FBXO34: variants seen among roughly 807,000 people sequenced by gnomAD.
FBXO34 encodes F-box protein 34, also known as F-box only protein 34.
In FBXO34, 12 loss-of-function variants were observed where a neutral mutation model predicts 24.5. The ratio of observed to expected loss-of-function variants is 0.49; its 90% CI spans 0.31 to 0.79. The LOEUF is 0.79. Among genes scored for constraint, FBXO34 ranks in the 30% least tolerant of loss-of-function variants. The pLI is 0.04. For missense variants in FBXO34, 823 were observed against 857.7 expected (o/e 0.96, Z 0.51); for synonymous variants, 320 against 311.9 (o/e 1.03, Z -0.27).
chr14:55,279,318 G>A (rs1428138363), intron 1 of FBXO34, among the ~76,000 whole-genome samples: 6 of 151,702 alleles, frequency 4.0e-5, no homozygotes, highest in African/African-American at 7.3e-5. Context: ...TATATTTAGT[G>A]GGGTCTAATA....
chr14:55,358,071 T>C (rs1460105501), downstream of FBXO34, among the ~76,000 whole-genome samples: 1 of 151,620 alleles, frequency 6.6e-6, no homozygotes, highest in Non-Finnish European at 1.5e-5. Context: ...ACTCTGCCCT[T>C]CCTCACCAAT....
chr14:55,431,103 G>A, the FBXO34 span, among the ~76,000 whole-genome samples: 8 of 152,130 alleles, frequency 5.3e-5, no homozygotes, highest in Non-Finnish European at 7.4e-5. Flanking sequence ...CTTTTCCTAC[G>A]CAAACACAGG....
intron 1 of FBXO34, chr14:55,282,411 C>T (rs760260098): frequency 4.1e-5 from 13 of 319,674 alleles, no homozygotes; most frequent in Non-Finnish European, 6.4e-5. Context: ...CATTGGACCA[C>T]GATAGGCCCT....
At chr14:55,370,077 A>ATGAT (rs1555341206), downstream of FBXO34, 1 of 621,014 alleles carries the variant, frequency 1.6e-6, no homozygotes, top group African/African-American at 1.8e-5. Context: ...GTGTTGACAT[A>ATGAT]TGATTGCGTT....
At chr14:55,409,129 T>G in the FBXO34 span, among the ~76,000 whole-genome samples, 1 of 152,212 alleles carries the variant, frequency 6.6e-6, no homozygotes, top group African/African-American at 2.4e-5. Context: ...AAAACTCGGA[T>G]AGATTCAAGA....
downstream of FBXO34, chr14:55,355,057 C>T (rs1450143128): frequency 6.6e-6 from 1 of 152,170 alleles, no homozygotes; most frequent in Non-Finnish European, 1.5e-5. Context: ...CTACCTCCTA[C>T]TTCAAGCCCT....
the FBXO34 span, among the ~76,000 whole-genome samples, chr14:55,376,821 C>A: frequency 1.3e-5 from 2 of 152,192 alleles, no homozygotes; most frequent in Non-Finnish European, 2.9e-5. Flanking sequence ...CTGCTAAGAG[C>A]AAGGAAAAAA....
At chr14:55,336,893 C>CAT (rs1555338884) in intron 1 of FBXO34, among the ~76,000 whole-genome samples, 7 of 150,046 alleles carry the variant, frequency 4.7e-5, no homozygotes, top group Non-Finnish European at 5.9e-5. Context: ...CACACACACA[C>CAT]ATATATACTA....
the FBXO34 span, chr14:55,437,125 G>T: frequency 1.0e-6 from 1 of 987,170 alleles, no homozygotes. Flanking sequence ...TTCAGTGTAA[G>T]AGGCAGTTCA....
the FBXO34 span, among the ~76,000 whole-genome samples, chr14:55,428,282 G>A: frequency 6.6e-6 from 1 of 151,580 alleles, no homozygotes; most frequent in African/African-American, 2.4e-5. Context: ...GGCGCCCGCT[G>A]CCACGCCCGG....
the FBXO34 span, among the ~76,000 whole-genome samples, chr14:55,431,261 A>G: frequency 6.6e-6 from 1 of 152,270 alleles, no homozygotes; most frequent in South Asian, 2.1e-4. Flanking sequence ...AGTATCTCTT[A>G]TTATCTGAAC....
rs1362879169 is a variant in FBXO34, at chr14:55,352,716, T to C, written c.*190T>C. 1.1e-5 allele frequency: 6 copies of C among 561,608 alleles called. No individual in the cohort carries two copies. The highest frequency in any genetic ancestry group is 1.9e-5 in the Non-Finnish European group (6 of 321,586). The allele number at this position is 561,608 out of a possible 1,614,324, so 34.8% of individuals were successfully genotyped here. On this transcript the variant is annotated 3_prime_UTR_variant, in exon 2 of 2. Transcript: ENST00000313833. Reference sequence around the variant, plus strand: ...ACAAAAAAATTGGTCTTGTTGTTTATAGTGGCATCTCATGTTTGAACCCGG... The same window carrying C: ...ACAAAAAAATTGGTCTTGTTGTTTACAGTGGCATCTCATGTTTGAACCCGG...
At chr14:55,390,964 C>G in the FBXO34 span, 2 of 1,605,902 alleles carry the variant, frequency 1.2e-6, no homozygotes, top group Non-Finnish European at 1.7e-6. Flanking sequence ...CTGTTCAATC[C>G]TCATCTTGCA....
At chr14:55,412,016 G>GA in the FBXO34 span, among the ~76,000 whole-genome samples, 1 of 152,266 alleles carries the variant, frequency 6.6e-6, no homozygotes, top group Non-Finnish European at 1.5e-5. Context: ...GAAGCAGGGG[G>GA]AGAGTTATAT....
At chr14:55,287,754 A>G (rs553857445) in intron 1 of FBXO34, among the ~76,000 whole-genome samples, 1 of 152,364 alleles carries the variant, frequency 6.6e-6, no homozygotes, top group Non-Finnish European at 1.5e-5. Flanking sequence ...TTTCCGCCAG[A>G]GTCACTTGTC....
chr14:55,409,561 TAA>T, the FBXO34 span, among the ~76,000 whole-genome samples: 1 of 147,092 alleles, frequency 6.8e-6, no homozygotes, highest in Middle Eastern at 3.5e-3. Context: ...AGCAGGCACC[TAA>T]AAAAAAAAAC....
At chr14:55,432,658 T>C in the FBXO34 span, among the ~76,000 whole-genome samples, 2 of 152,294 alleles carry the variant, frequency 1.3e-5, no homozygotes, top group African/African-American at 4.8e-5. Flanking sequence ...TGTCAATCAA[T>C]TTAGCAAATA....
chr14:55,291,573 G>T (rs940428922), intron 1 of FBXO34, among the ~76,000 whole-genome samples: 1 of 152,112 alleles, frequency 6.6e-6, no homozygotes, highest in Non-Finnish European at 1.5e-5. Flanking sequence ...GGGCATAGTG[G>T]CTTATGCCTC....
chr14:55,440,411 G>A, the FBXO34 span: 1 of 1,613,026 alleles, frequency 6.2e-7, no homozygotes. Flanking sequence ...CGGCGCACTG[G>A]TCCAGGTAGA....
Sources: allele counts gnomAD v4.1 joint callset (sites outside exome capture counted in the v4.1 genomes callset), GRCh38; gene constraint gnomAD v4.1.1; transcripts MANE v1.5; gene names NCBI Gene and HGNC (gene_info 2026-07-23, HGNC 2026-07-21).